Variants in SDK2 observed in about 807,000 individuals in gnomAD.
The protein encoded by SDK2 is protein sidekick-2.
In SDK2, 105 loss-of-function variants were observed where a neutral mutation model predicts 253.9. That is an observed-to-expected ratio of 0.41 (90% CI 0.35 to 0.49). The LOEUF (loss-of-function observed/expected upper bound fraction) is 0.49. Ranked by LOEUF, SDK2 falls within the 20% of genes least tolerant of loss-of-function variation. SDK2 has a pLI of 0.06. For missense variants in SDK2, 2,608 were observed against 3,003.0 expected, an observed-to-expected ratio of 0.87 and a Z score of 3.07; for synonymous variants, 1,249 against 1,234.9, an observed-to-expected ratio of 1.01 and a Z score of -0.24.
chr17:73,414,015 C>T (rs2145566565), intron 18 of SDK2, among the ~76,000 whole-genome samples: 1 of 151,924 alleles, frequency 6.6e-6, no homozygotes, highest in South Asian at 2.1e-4. Flanking sequence ...CATGGCTATA[C>T]CAGGTGTTTC....
At chr17:73,555,521 C>A (rs1018177118) in intron 1 of SDK2, among the ~76,000 whole-genome samples, 5 of 152,210 alleles carry the variant, frequency 3.3e-5, no homozygotes, top group Non-Finnish European at 5.9e-5. Flanking sequence ...TGTGGTCAGG[C>A]CTCTCTGCCC....
chr17:73,433,649 A>C (rs2063344445), intron 10 of SDK2, 83 bp downstream of exon 10: 1 of 1,070,830 alleles, frequency 9.3e-7, no homozygotes, highest in Admixed American at 2.0e-5. Flanking sequence ...GGGGAACCCA[A>C]CCTGGCTGGC....
chr17:73,402,738 G>A (rs547258285), intron 18 of SDK2, among the ~76,000 whole-genome samples: 2 of 152,040 alleles, frequency 1.3e-5, no homozygotes, highest in East Asian at 3.9e-4. Flanking sequence ...CAAAGTGCTG[G>A]GATTATAGGT....
intron 1 of SDK2, among the ~76,000 whole-genome samples, chr17:73,566,964 C>G (rs1239453691): frequency 6.6e-6 from 1 of 151,756 alleles, no homozygotes; most frequent in African/African-American, 2.4e-5. Context: ...GTGAGAAACC[C>G]AAGGCACTTG....
rs1366023213 is a variant in SDK2, at chr17:73,352,466, C to T, written c.5758+7G>A. 1 of 1,609,532 alleles carries T rather than the reference C, an allele frequency of 6.2e-7. No homozygotes were observed. The highest frequency in any genetic ancestry group is 8.5e-7 in the Non-Finnish European group (1 of 1,178,182). On this transcript the variant is annotated splice_region_variant and intron_variant, in intron 41 of 44. Coordinates refer to ENST00000392650, the MANE Select transcript of SDK2 (RefSeq NM_001144952.2). This position sits in a 1 kb window ranked among gnomAD's most constrained non-coding sequence, Gnocchi z 4.1. ...CTCCCCCACTCCCTCAGCCCCCAGGCCGGTACCTGGCACAGACTGGGAGGG... is the reference window on the plus strand; with the variant it reads ...CTCCCCCACTCCCTCAGCCCCCAGGTCGGTACCTGGCACAGACTGGGAGGG...
At position 73,447,083 on chromosome 17, in the gene SDK2, C is replaced by CT. The variant is rs2063458033; in HGVS notation, c.613+531dup. ...TTTTCGCCCAGGGAGCTGGAGGTGT[C>CT]TGAGGATGGAGGTGTTTTAGGTGGG... On this transcript the variant is annotated intron_variant, in intron 5 of 44. Coordinates refer to ENST00000392650, the MANE Select transcript of SDK2 (RefSeq NM_001144952.2). The surrounding 1 kb of genome is among the most constrained non-coding windows in gnomAD (Gnocchi z 4.0). Among the ~76,000 whole-genome samples, 1 of 152,180 alleles carries CT rather than the reference C, an allele frequency of 6.6e-6. No homozygotes were observed. Among genetic ancestry groups the CT allele is most frequent in the Non-Finnish European group, 1.5e-5 (1 of 68,030 alleles).
At chr17:73,512,462 G>C (rs2145770188) in intron 1 of SDK2, among the ~76,000 whole-genome samples, 1 of 152,148 alleles carries the variant, frequency 6.6e-6, no homozygotes, top group East Asian at 1.9e-4. Flanking sequence ...GGAGATAATT[G>C]AGAAGGAAGG....
chr17:73,473,055 T>C (rs9891430), intron 2 of SDK2, among the ~76,000 whole-genome samples: 2,028 of 152,296 alleles, frequency 0.013, 51 homozygotes, highest in African/African-American at 0.046. Context: ...GGACTAATAA[T>C]ACAGCTGCAC....
intron 1 of SDK2, chr17:73,518,181 A>T (rs1263100757): frequency 2.0e-5 from 3 of 152,248 alleles, no homozygotes; most frequent in Non-Finnish European, 2.9e-5. Context: ...TGGAGATCAC[A>T]AAGTTCCCTT....
In SDK2 at chr17:73,643,183, C is replaced by A. The variant is rs986375780; in HGVS notation, c.64+842G>T. ...GCATCCACCCTCAGGAAGCGGGCAG[C>A]GCAGATCACACCTCGGATCCTTCGT... is the stretch of plus-strand genomic sequence containing the variant. On this transcript the variant is annotated intron_variant, in intron 1 of 44. Transcript: ENST00000392650. The surrounding 1 kb of genome is among the most constrained non-coding windows in gnomAD (Gnocchi z 6.9). 6.6e-6 allele frequency: 1 copy of A among 152,396 alleles called. No individual in the cohort carries two copies. The highest frequency in any genetic ancestry group is 1.5e-5 in the Non-Finnish European group (1 of 68,194). The allele number at this position is 152,396 out of a possible 1,614,324, so 9.4% of individuals were successfully genotyped here. A position where few individuals can be genotyped will look rare whatever the true frequency, so the allele number is the denominator to read the frequency against.
intron 15 of SDK2, among the ~76,000 whole-genome samples, chr17:73,421,951 A>ATC (rs10673849): frequency 0.029 from 3,737 of 130,066 alleles, 143 homozygotes; most frequent in African/African-American, 0.099. Context: ...TAGATCCTGT[A>ATC]TCTCTGGAAT....
chr17:73,407,100 TTAGC>T (rs1314236094), intron 18 of SDK2, among the ~76,000 whole-genome samples: 2 of 152,188 alleles, frequency 1.3e-5, no homozygotes, highest in Non-Finnish European at 2.9e-5. Flanking sequence ...AAAATATTGT[TTAGC>T]TAGCCATTAA....
Position 73,437,757 on chromosome 17 carries a change from T to G in SDK2, c.982A>C (p.Ile328Leu). ...TCATTACCTTTGGCCTGACAGGGGATGTCCACCACCTTCTCCATCTCCGCA... is the reference window on the plus strand; with the variant it reads ...TCATTACCTTTGGCCTGACAGGGGAGGTCCACCACCTTCTCCATCTCCGCA... ...ITAEMEKVVD[I>L]PCQAKGVPPP... is the part of the protein sequence containing the mutation. The change falls in exon 8 of 45, where the codon ATC becomes CTC. Residue 328 changes from isoleucine to leucine, a missense_variant. Ile to Leu is a conservative substitution (Grantham distance 5). Coordinates refer to ENST00000392650, the MANE Select transcript of SDK2 (RefSeq NM_001144952.2). The G allele has an allele frequency of 6.2e-7, 1 of 1,613,996 alleles. No individual in the cohort carries two copies. The highest frequency in any genetic ancestry group is 1.1e-5 in the South Asian group (1 of 91,082).
intron 1 of SDK2, among the ~76,000 whole-genome samples, chr17:73,610,825 T>A (rs1045182525): frequency 1.3e-5 from 2 of 152,000 alleles, no homozygotes; most frequent in Admixed American, 1.3e-4. Flanking sequence ...GGAGTGTATG[T>A]GTGGTGTGCG....
rs1224616434 is a variant in SDK2 at position 73,511,393 on chromosome 17, C to T, written c.65-3796G>A. Among the ~76,000 whole-genome samples, 2 of 152,236 alleles carry T rather than the reference C, an allele frequency of 1.3e-5. No individual in the cohort carries two copies. The highest frequency in any genetic ancestry group is 2.1e-4 in the South Asian group (1 of 4,830). ...GCTCTGCGCCCAGACGCCCTCGCCT[C>T]TGTAAACCTGCTCACTGGGCAATTT... On this transcript the variant is annotated intron_variant, in intron 1 of 44. Coordinates refer to ENST00000392650, the MANE Select transcript of SDK2 (RefSeq NM_001144952.2). The surrounding 1 kb of genome is among the most constrained non-coding windows in gnomAD (Gnocchi z 4.9).
At chr17:73,628,039 G>C (rs933818334) in intron 1 of SDK2, among the ~76,000 whole-genome samples, 10 of 152,316 alleles carry the variant, frequency 6.6e-5, no homozygotes, top group African/African-American at 2.4e-4. Context: ...GCGACAGAGC[G>C]AGACTCCGTC....
chr17:73,374,665 G>T (rs8065747), intron 36 of SDK2, among the ~76,000 whole-genome samples: 2 of 145,142 alleles, frequency 1.4e-5, no homozygotes, highest in African/African-American at 5.4e-5. Context: ...ATGCGGTTTC[G>T]TCATGTTGGC....
rs375944789 is a variant in SDK2 at position 73,385,834 on chromosome 17, C to T, written c.4569+13G>A. ...TGGGTCTTCACGGAGGTTTCCTGCCCGCTGGGCCATACCTGCCATCGGATT... is the reference window on the plus strand; with the variant it reads ...TGGGTCTTCACGGAGGTTTCCTGCCTGCTGGGCCATACCTGCCATCGGATT... On this transcript the variant is annotated intron_variant, in intron 32 of 44. Coordinates refer to ENST00000392650, the MANE Select transcript of SDK2 (RefSeq NM_001144952.2). 88 of 1,598,160 alleles carry T rather than the reference C, an allele frequency of 5.5e-5. No individual in the cohort carries two copies. The African/African-American group carries it at 8.0e-4, about 15-fold the overall frequency.
In SDK2 at chr17:73,622,616, A is replaced by C. The variant is rs138835920; in HGVS notation, c.64+21409T>G. Among the ~76,000 whole-genome samples, 1,265 of 152,286 alleles carry C rather than the reference A, an allele frequency of 8.3e-3. 24 individuals are homozygous for C. Among genetic ancestry groups the C allele is most frequent in the African/African-American group, 0.029 (1,198 of 41,552 alleles). On this transcript the variant is annotated intron_variant, in intron 1 of 44. Coordinates refer to ENST00000392650, the MANE Select transcript of SDK2 (RefSeq NM_001144952.2). ...ACTGCCTCACTTGGAGTGATTTGCA[A>C]AGGGTACGTAGAGACACTTAGGGAA...
Sources: gnomAD v4.1 joint callset for allele counts (sites outside exome capture counted in the v4.1 genomes callset) on GRCh38, gnomAD v4.1.1 for gene constraint, Gnocchi (gnomAD v3.1) non-coding constraint, MANE v1.5 for transcripts, NCBI Gene and HGNC (gene_info 2026-07-23, HGNC 2026-07-21) for gene names.